MALRD1: variants seen among roughly 807,000 people sequenced by gnomAD.
The protein encoded by MALRD1 is MAM and LDL-receptor class A domain-containing protein 1.
MALRD1 carries 247 observed loss-of-function variants against 242.1 expected under a neutral mutation model. The ratio of observed to expected loss-of-function variants is 1.02; its 90% CI spans 0.92 to 1.13. MALRD1 has a LOEUF of 1.13. Ranked by LOEUF, MALRD1 falls within the 50% of genes most tolerant of loss-of-function variation. MALRD1 has a pLI of 0.00. For missense variants in MALRD1, 2,989 were observed against 2,533.1 expected, an observed-to-expected ratio of 1.18 and a Z score of -3.86; for synonymous variants, 995 against 866.6, an observed-to-expected ratio of 1.15 and a Z score of -2.60.
chr10:19,470,379 T>G (rs1476693657), intron 29 of MALRD1, among the ~76,000 whole-genome samples: 1 of 152,026 alleles, frequency 6.6e-6, no homozygotes, highest in Non-Finnish European at 1.5e-5. Context: ...CATATCTTGG[T>G]TATAATGCTG....
In MALRD1 at chr10:19,103,995, A is replaced by G; in HGVS notation, c.614A>G (p.Gln205Arg). ...CTGGTGCAGGTTGTTTTTGAAGGTC[A>G]AATGGCTTCAACGTATGAACAGGAT... ...SQRFQVVFEG[Q>R]MASTYEQDEV... Residue 205 changes from glutamine to arginine, a missense_variant, in exon 5 of 40, where the codon CAA (glutamine) becomes CGA (arginine). Physicochemically the swap from Gln to Arg is conservative, Grantham distance 43. Transcript: ENST00000454679. 3 of 1,233,776 alleles carry G rather than the reference A, an allele frequency of 2.4e-6. No homozygotes were observed. Among genetic ancestry groups the G allele is most frequent in the Non-Finnish European group, 3.0e-6 (3 of 988,056 alleles). 76.4% of individuals were successfully genotyped at this position (1,233,776 alleles called of 1,614,324 possible). A position where few individuals can be genotyped will look rare whatever the true frequency, so the allele number is the denominator to read the frequency against.
intron 14 of MALRD1, among the ~76,000 whole-genome samples, chr10:19,177,195 G>A (rs1436479183): frequency 6.6e-6 from 1 of 151,520 alleles, no homozygotes; most frequent in Non-Finnish European, 1.5e-5. Flanking sequence ...CAGGAGAATG[G>A]CGTGAACCGA....
intron 32 of MALRD1, among the ~76,000 whole-genome samples, chr10:19,554,646 T>C (rs1009434844): frequency 6.6e-6 from 1 of 152,126 alleles, no homozygotes; most frequent in Non-Finnish European, 1.5e-5. Context: ...ATGCAGTGTT[T>C]GGTTTTCTGT....
At position 19,155,065 on chromosome 10, in the gene MALRD1, G is replaced by A; in HGVS notation, c.1559-10G>A. 8.1e-7 allele frequency: 1 copy of A among 1,230,568 alleles called. No homozygotes were observed. Among genetic ancestry groups the A allele is most frequent in the Non-Finnish European group, 1.0e-6 (1 of 987,002 alleles). The allele number at this position is 1,230,568 out of a possible 1,614,324, so 76.2% of individuals were successfully genotyped here. ...CTTGCATCCCTATGACTTTCCCTTT[G>A]TTTTTTCAGGATCGTTTATTTATTT... is the stretch of plus-strand genomic sequence containing the variant. On this transcript the variant is annotated splice_polypyrimidine_tract_variant and intron_variant, in intron 11 of 39. Transcript: ENST00000454679.
chr10:19,464,849 C>T (rs983473537), intron 29 of MALRD1, among the ~76,000 whole-genome samples: 17 of 151,946 alleles, frequency 1.1e-4, no homozygotes, highest in African/African-American at 3.9e-4. Context: ...GAACATGGGA[C>T]GTGTTTCCAT....
intron 1 of MALRD1, among the ~76,000 whole-genome samples, chr10:19,059,076 G>A (rs1029585190): frequency 6.6e-6 from 1 of 152,032 alleles, no homozygotes; most frequent in Non-Finnish European, 1.5e-5. Context: ...GGTAGAAATA[G>A]GAAGTCATTT....
chr10:19,663,113 A>G (rs926772967), intron 36 of MALRD1, among the ~76,000 whole-genome samples: 7 of 152,204 alleles, frequency 4.6e-5, no homozygotes, highest in African/African-American at 1.7e-4. Context: ...CTTTTAGTTT[A>G]ACCGTCACCC....
At chr10:19,493,841 A>G (rs929476166) in intron 30 of MALRD1, among the ~76,000 whole-genome samples, 4 of 151,996 alleles carry the variant, frequency 2.6e-5, no homozygotes, top group Non-Finnish European at 4.4e-5. Flanking sequence ...AACACGACAA[A>G]AGTGTATTTT....
At chr10:19,403,084 T>C (rs1175153831) in intron 28 of MALRD1, among the ~76,000 whole-genome samples, 2 of 152,086 alleles carry the variant, frequency 1.3e-5, no homozygotes, top group Non-Finnish European at 2.9e-5. Flanking sequence ...ATAATAATAA[T>C]TTACAAAGTG....
At chr10:19,380,376 A>C (rs901926012) in intron 26 of MALRD1, among the ~76,000 whole-genome samples, 1 of 149,220 alleles carries the variant, frequency 6.7e-6, no homozygotes, top group Non-Finnish European at 1.5e-5. Flanking sequence ...TATTCTCTCT[A>C]TTCTGATGGA....
intron 31 of MALRD1, among the ~76,000 whole-genome samples, chr10:19,522,236 T>A (rs544448740): frequency 1.6e-4 from 25 of 152,306 alleles, no homozygotes; most frequent in African/African-American, 4.8e-4. Context: ...ACTGAGTTCT[T>A]GTACCTCAGA....
chr10:19,101,042 G>A (rs1454231097), intron 4 of MALRD1, among the ~76,000 whole-genome samples: 1 of 151,796 alleles, frequency 6.6e-6, no homozygotes, highest in Non-Finnish European at 1.5e-5. Context: ...AATAGCAGTA[G>A]TGAACATTAT....
intron 38 of MALRD1, among the ~76,000 whole-genome samples, chr10:19,724,535 C>A (rs999152315): frequency 2.0e-5 from 3 of 152,122 alleles, no homozygotes; most frequent in Non-Finnish European, 2.9e-5. Flanking sequence ...TTCCTTTCAA[C>A]CCAGATAAAG....
At chr10:19,342,810 C>T (rs1410575052) in intron 24 of MALRD1, among the ~76,000 whole-genome samples, 2 of 151,926 alleles carry the variant, frequency 1.3e-5, no homozygotes, top group Non-Finnish European at 2.9e-5. Flanking sequence ...ATTGTCTTTC[C>T]AAAATTACCA....
intron 26 of MALRD1, among the ~76,000 whole-genome samples, chr10:19,356,597 G>A (rs954453346): frequency 3.3e-5 from 5 of 151,992 alleles, no homozygotes; most frequent in African/African-American, 9.7e-5. Context: ...AATCCAGTGT[G>A]TATTGTATAC....
At chr10:19,710,117 C>G (rs917626389) in intron 38 of MALRD1, among the ~76,000 whole-genome samples, 4 of 152,162 alleles carry the variant, frequency 2.6e-5, no homozygotes, top group Admixed American at 6.5e-5. Context: ...CAAACCAAAC[C>G]AAACAAAACA....
At chr10:19,638,126 A>G (rs1351636137) in intron 36 of MALRD1, among the ~76,000 whole-genome samples, 3 of 149,006 alleles carry the variant, frequency 2.0e-5, no homozygotes, top group Non-Finnish European at 4.4e-5. Context: ...AAAAAAAAAA[A>G]AATAGAATTC....
Position 19,048,835 on chromosome 10 carries a change from T to C in MALRD1, c.-104T>C. 1 of 912,884 alleles carries C rather than the reference T, an allele frequency of 1.1e-6. No individual in the cohort carries two copies. Among genetic ancestry groups the C allele is most frequent in the Non-Finnish European group, 1.4e-6 (1 of 696,570 alleles). The allele number at this position is 912,884 out of a possible 1,614,324, so 56.5% of individuals were successfully genotyped here. A position where few individuals can be genotyped will look rare whatever the true frequency, so the allele number is the denominator to read the frequency against. On this transcript the variant is annotated 5_prime_UTR_variant, in exon 1 of 40. Transcript: ENST00000454679. ...GATAGTTACCAATAGTATCCAGTTA[T>C]AAGAAGCAAATCTGGGAAAGGAAGA... is the stretch of plus-strand genomic sequence containing the variant.
intron 20 of MALRD1, among the ~76,000 whole-genome samples, chr10:19,281,983 A>G (rs1448563556): frequency 1.3e-5 from 2 of 151,810 alleles, no homozygotes. Flanking sequence ...AAAAAAAAAA[A>G]AAATGAACAC....
Sources: gnomAD v4.1 joint callset for allele counts (sites outside exome capture counted in the v4.1 genomes callset) on GRCh38, gnomAD v4.1.1 for gene constraint, MANE v1.5 for transcripts, NCBI Gene and HGNC (gene_info 2026-07-23, HGNC 2026-07-21) for gene names.